CTNNA3: variants seen among roughly 807,000 people sequenced by gnomAD.
CTNNA3 encodes the protein catenin alpha-3.
CTNNA3 carries 76 observed loss-of-function variants against 95.7 expected under a neutral mutation model. The observed-to-expected ratio is 0.79, with a 90% confidence interval of 0.66 to 0.96. The LOEUF is 0.96. Among genes scored for constraint, CTNNA3 ranks in the 40% least tolerant of loss-of-function variants. CTNNA3 has a pLI of 0.00. For missense variants in CTNNA3, 1,191 were observed against 1,089.8 expected (o/e 1.09, Z -1.31); for synonymous variants, 431 against 374.4 (o/e 1.15, Z -1.74).
chr10:66,796,988 T>C (rs1421639910), intron 7 of CTNNA3, among the ~76,000 whole-genome samples: 3 of 152,054 alleles, frequency 2.0e-5, no homozygotes, highest in Non-Finnish European at 4.4e-5. Flanking sequence ...TTTATATTTC[T>C]AGCCTTGAAA....
intron 15 of CTNNA3, among the ~76,000 whole-genome samples, chr10:65,997,190 C>T (rs1295823314): frequency 1.3e-5 from 2 of 152,168 alleles, no homozygotes; most frequent in Admixed American, 1.3e-4. Flanking sequence ...TACCCCAAGA[C>T]TTACCTAAGT....
At chr10:67,290,623 G>A (rs553499825) in intron 5 of CTNNA3, among the ~76,000 whole-genome samples, 8 of 152,180 alleles carry the variant, frequency 5.3e-5, no homozygotes, top group South Asian at 2.1e-4. Flanking sequence ...GGAAAACTGA[G>A]GCAACAAGAG....
intron 7 of CTNNA3, among the ~76,000 whole-genome samples, chr10:67,119,645 G>T (rs1483091689): frequency 6.6e-6 from 1 of 151,814 alleles, no homozygotes; most frequent in African/African-American, 2.4e-5. Flanking sequence ...GTATCTATGG[G>T]TTTTTGTGCA....
chr10:66,878,665 C>T (rs1222632841), intron 7 of CTNNA3, among the ~76,000 whole-genome samples: 1 of 152,112 alleles, frequency 6.6e-6, no homozygotes, highest in African/African-American at 2.4e-5. Context: ...ACAGTCTCCT[C>T]CCACAATAAA....
intron 13 of CTNNA3, among the ~76,000 whole-genome samples, chr10:66,221,698 C>T (rs951674619): frequency 3.9e-5 from 6 of 152,172 alleles, no homozygotes; most frequent in African/African-American, 1.4e-4. Flanking sequence ...CAACAAAATG[C>T]TAGATGAATG....
At chr10:66,796,878 A>G (rs936862820) in intron 7 of CTNNA3, among the ~76,000 whole-genome samples, 7 of 152,004 alleles carry the variant, frequency 4.6e-5, no homozygotes, top group Non-Finnish European at 1.0e-4. Flanking sequence ...TCTAGTGATC[A>G]CTCCAGCGGA....
chr10:66,476,170 C>T (rs984326734), intron 11 of CTNNA3, among the ~76,000 whole-genome samples: 1 of 151,428 alleles, frequency 6.6e-6, no homozygotes, highest in African/African-American at 2.4e-5. Context: ...AATGAGAATA[C>T]ATGGACACAG....
intron 5 of CTNNA3, among the ~76,000 whole-genome samples, chr10:67,497,877 G>C (rs1468077456): frequency 6.6e-6 from 1 of 152,214 alleles, no homozygotes; most frequent in African/African-American, 2.4e-5. Flanking sequence ...CTCCCATTCA[G>C]TGGGTTGCCT....
intron 7 of CTNNA3, among the ~76,000 whole-genome samples, chr10:67,035,747 A>G (rs778082769): frequency 2.1e-4 from 32 of 152,278 alleles, no homozygotes; most frequent in Non-Finnish European, 3.5e-4. Flanking sequence ...AAATGCTTTC[A>G]CTGTATTGAG....
chr10:66,375,589 CAA>C (rs35007442), intron 12 of CTNNA3, among the ~76,000 whole-genome samples: 1 of 139,050 alleles, frequency 7.2e-6, no homozygotes, highest in Non-Finnish European at 1.6e-5. Context: ...GCTGCAATGC[CAA>C]AAAAAAAAAG....
rs372034780 is a variant in CTNNA3, at chr10:66,207,339, G to A, written c.1884+73131C>T. The stretch of plus-strand genomic sequence containing the variant: ...AAAACATGTGTCTAGGTCCGTCATA[G>A]AAGAGATATTTACTGTATGGGATTG... On this transcript the variant is annotated intron_variant, in intron 13 of 17. Coordinates refer to ENST00000433211, the MANE Select transcript of CTNNA3 (RefSeq NM_013266.4). 2.4e-3 allele frequency among the ~76,000 whole-genome samples: 364 copies of A among 151,980 alleles called. 4 individuals are homozygous for A. Among genetic ancestry groups the A allele is most frequent in the African/African-American group, 8.6e-3 (356 of 41,522 alleles).
intron 13 of CTNNA3, among the ~76,000 whole-genome samples, chr10:66,225,535 A>C (rs1262457797): frequency 2.0e-5 from 3 of 151,202 alleles, no homozygotes; most frequent in Non-Finnish European, 1.5e-5. Context: ...TGTTATAATA[A>C]ATATGGGGAT....
intron 3 of CTNNA3, among the ~76,000 whole-genome samples, chr10:67,581,418 C>A (rs531719809): frequency 1.3e-5 from 2 of 152,180 alleles, no homozygotes; most frequent in Non-Finnish European, 2.9e-5. Context: ...CCAACTTCAT[C>A]ACGGTGGATA....
chr10:66,394,778 A>G (rs748752551), intron 11 of CTNNA3, among the ~76,000 whole-genome samples: 3 of 151,978 alleles, frequency 2.0e-5, no homozygotes, highest in Non-Finnish European at 4.4e-5. Context: ...TCATAGTTCA[A>G]AATACAGAAC....
At chr10:66,523,208 G>T (rs74141571) in intron 10 of CTNNA3, among the ~76,000 whole-genome samples, 1 of 152,130 alleles carries the variant, frequency 6.6e-6, no homozygotes, top group Non-Finnish European at 1.5e-5. Context: ...CAATTGGACA[G>T]CTACGTACAC....
chr10:67,628,038 GAGAA>G (rs139266522), intron 2 of CTNNA3, among the ~76,000 whole-genome samples: 20,005 of 151,160 alleles, frequency 0.13, 2,360 homozygotes, highest in African/African-American at 0.32. Flanking sequence ...ATAGAAAGTT[GAGAA>G]AGAGAGAATT....
chr10:66,623,967 A>T (rs1315588140), intron 9 of CTNNA3, among the ~76,000 whole-genome samples: 1 of 152,184 alleles, frequency 6.6e-6, no homozygotes, highest in Admixed American at 6.5e-5. Flanking sequence ...CAAGAACAGT[A>T]GAAATGTAAT....
At chr10:67,390,933 A>C (rs1589245342) in intron 5 of CTNNA3, among the ~76,000 whole-genome samples, 1 of 151,884 alleles carries the variant, frequency 6.6e-6, no homozygotes, top group African/African-American at 2.4e-5. Flanking sequence ...TCTATGACAA[A>C]CCCACAGCCA....
intron 5 of CTNNA3, among the ~76,000 whole-genome samples, chr10:67,465,991 T>G (rs1847576208): frequency 6.6e-6 from 1 of 152,226 alleles, no homozygotes; most frequent in Admixed American, 6.5e-5. Flanking sequence ...GTTTTCTACC[T>G]GTCAGGTTAT....
Sources: allele counts gnomAD v4.1 joint callset (sites outside exome capture counted in the v4.1 genomes callset), GRCh38; gene constraint gnomAD v4.1.1; transcripts MANE v1.5; gene names NCBI Gene and HGNC (gene_info 2026-07-23, HGNC 2026-07-21).